The following TENM4 variants were observed in gnomAD, a reference collection of about 807,000 sequenced individuals.
TENM4 encodes the protein teneurin-4.
TENM4 carries 82 observed loss-of-function variants against 243.3 expected under a neutral mutation model. The observed-to-expected ratio is 0.34, with a 90% confidence interval of 0.28 to 0.40. The LOEUF (loss-of-function observed/expected upper bound fraction) is 0.40. Among genes scored for constraint, TENM4 ranks in the 10% least tolerant of loss-of-function variants. The pLI is 1.00. For synonymous variants in TENM4, 1,412 were observed against 1,456.3 expected (o/e 0.97, Z 0.69); for missense variants, 3,138 against 3,673.3 (o/e 0.85, Z 3.77).
intron 1 of TENM4, among the ~76,000 whole-genome samples, chr11:79,396,208 C>T (rs1371734670): frequency 6.6e-6 from 1 of 152,216 alleles, no homozygotes; most frequent in African/African-American, 2.4e-5. Context: ...ATTCCAACCA[C>T]TCCAACTGTA....
In TENM4 at chr11:79,324,591, T is replaced by C. The variant is rs540486936; in HGVS notation, c.-320-27048A>G. Among the ~76,000 whole-genome samples, 5 of 152,226 alleles carry C rather than the reference T, an allele frequency of 3.3e-5. No homozygotes were observed. The South Asian group carries it at 1.0e-3, about 32-fold the overall frequency. On this transcript the variant is annotated intron_variant, in intron 1 of 33. Transcript: ENST00000278550. Reference sequence around the variant, plus strand: ...GGAACCCATGGATGCATGGAATCCATGGATACAGATGGCCAACTGTATGGA... The same window carrying C: ...GGAACCCATGGATGCATGGAATCCACGGATACAGATGGCCAACTGTATGGA...
chr11:79,157,398 T>C (rs1298531215), intron 3 of TENM4, among the ~76,000 whole-genome samples: 2 of 152,198 alleles, frequency 1.3e-5, no homozygotes, highest in Non-Finnish European at 2.9e-5. Flanking sequence ...TTCTCTTCTG[T>C]TGCTTTCTCT....
intron 6 of TENM4, among the ~76,000 whole-genome samples, chr11:79,052,774 T>C (rs567138076): frequency 1.3e-5 from 2 of 152,308 alleles, no homozygotes; most frequent in East Asian, 1.9e-4. Context: ...AGTCGGTCCA[T>C]TGAATTCTGC....
At position 78,805,335 on chromosome 11, in the gene TENM4, A is replaced by T; in HGVS notation, c.2136T>A (p.Leu712=). The T allele has an allele frequency of 9.5e-7, 1 of 1,049,388 alleles. No individual in the cohort carries two copies. The highest frequency in any genetic ancestry group is 1.2e-6 in the Non-Finnish European group (1 of 859,522). The allele number at this position is 1,049,388 out of a possible 1,614,324, so 65.0% of individuals were successfully genotyped here. A position where few individuals can be genotyped will look rare whatever the true frequency, so the allele number is the denominator to read the frequency against. The change falls in exon 15 of 34, where the codon CTT becomes CTA. Residue 712 remains leucine, a synonymous_variant. Coordinates refer to ENST00000278550, the MANE Select transcript of TENM4 (RefSeq NM_001098816.3). ...CAGTCCAGCTTGGGTCACAGCTGCA[A>T]AGCCCGGTGTCCGGGAGGAAGGTTC... is the stretch of plus-strand genomic sequence containing the variant. ...GHGTFLPDTG[L]CSCDPSWTGH...
At chr11:78,708,336 G>A (rs745444343) in intron 27 of TENM4, 25 bp downstream of exon 27, 132 of 1,613,340 alleles carry the variant, frequency 8.2e-5, no homozygotes, top group Non-Finnish European at 1.1e-4. Context: ...CAGTCCCAGG[G>A]CTTTGGTAGA....
Position 78,856,115 on chromosome 11 carries a change from C to T in TENM4, c.1319G>A (p.Arg440Lys), listed in dbSNP as rs1316702173. The change falls in exon 11 of 34, where the codon AGG (arginine) becomes AAG (lysine). Residue 440 changes from arginine to lysine, a missense_variant. Coordinates refer to ENST00000278550, the MANE Select transcript of TENM4 (RefSeq NM_001098816.3). ...AGGAGGAATCTTCTGGGAAGCTCGC[C>T]TTCCCACATCAATTTCTCCAGAATC... is the stretch of plus-strand genomic sequence containing the variant. ...FIDSGEIDVG[R>K]RASQKIPPGT... 46 of 1,551,558 alleles carry T rather than the reference C, an allele frequency of 3.0e-5. No individual in the cohort carries two copies. The highest frequency in any genetic ancestry group is 3.8e-5 in the Non-Finnish European group (44 of 1,146,992).
intron 1 of TENM4, among the ~76,000 whole-genome samples, chr11:79,347,762 C>CTTTTTT (rs528675032): frequency 1.1e-5 from 1 of 94,726 alleles, no homozygotes; most frequent in Non-Finnish European, 2.0e-5. Flanking sequence ...CTATCCTCTC[C>CTTTTTT]TTTTTTTTTT....
intron 6 of TENM4, among the ~76,000 whole-genome samples, chr11:78,995,003 TAA>T (rs1432895948): frequency 6.6e-6 from 1 of 152,102 alleles, no homozygotes; most frequent in Non-Finnish European, 1.5e-5. Context: ...AAGAGATAAA[TAA>T]AGAGTTTCAA....
intron 6 of TENM4, among the ~76,000 whole-genome samples, chr11:78,950,981 T>C (rs1857097290): frequency 6.6e-6 from 1 of 152,196 alleles, no homozygotes; most frequent in South Asian, 2.1e-4. Flanking sequence ...TGTCCAAAGG[T>C]GTGATCAGGC....
intron 1 of TENM4, among the ~76,000 whole-genome samples, chr11:79,311,487 T>G (rs1856720769): frequency 6.6e-6 from 1 of 152,228 alleles, no homozygotes; most frequent in Non-Finnish European, 1.5e-5. Context: ...GCTACTTGTT[T>G]CCTCAGGCTT....
intron 6 of TENM4, among the ~76,000 whole-genome samples, chr11:78,997,532 G>A (rs1165510349): frequency 1.3e-5 from 2 of 152,216 alleles, no homozygotes; most frequent in East Asian, 3.8e-4. Context: ...AAAGCACAGT[G>A]CCTCTCAGTA....
At chr11:79,082,596 C>T (rs1390162872) in intron 4 of TENM4, among the ~76,000 whole-genome samples, 2 of 151,750 alleles carry the variant, frequency 1.3e-5, no homozygotes, top group African/African-American at 4.8e-5. Flanking sequence ...CCCATGTGTG[C>T]ACACACACAC....
At chr11:78,729,750 G>A in intron 21 of TENM4, 107 bp from the exon 22 acceptor site, 1 of 1,412,674 alleles carries the variant, frequency 7.1e-7, no homozygotes, top group Non-Finnish European at 9.5e-7. Flanking sequence ...TAGAGGGAAA[G>A]GCAGAAGGAG....
chr11:79,276,078 C>A (rs371255954), intron 2 of TENM4, among the ~76,000 whole-genome samples: 29 of 152,114 alleles, frequency 1.9e-4, no homozygotes, highest in South Asian at 8.3e-4. Flanking sequence ...ATCTCACCCA[C>A]CCTCCTCATT....
chr11:79,405,859 A>C (rs1047887000), intron 1 of TENM4, among the ~76,000 whole-genome samples: 1 of 151,524 alleles, frequency 6.6e-6, no homozygotes, highest in South Asian at 2.1e-4. Context: ...AAAAAAAAAA[A>C]AAAAAAAAAA....
chr11:78,666,902 T>G (rs370779359), intron 32 of TENM4, among the ~76,000 whole-genome samples: 9 of 152,288 alleles, frequency 5.9e-5, no homozygotes, highest in South Asian at 2.1e-4. Flanking sequence ...TATGGTGGTG[T>G]ACAAAGGAAA....
At chr11:78,932,917 A>C (rs917135495) in intron 6 of TENM4, among the ~76,000 whole-genome samples, 1 of 152,136 alleles carries the variant, frequency 6.6e-6, no homozygotes, top group Non-Finnish European at 1.5e-5. Context: ...CCTGGTTCCT[A>C]ACAGGCCACG....
intron 4 of TENM4, among the ~76,000 whole-genome samples, chr11:79,143,161 C>T (rs539177350): frequency 3.2e-3 from 481 of 152,126 alleles, no homozygotes; most frequent in African/African-American, 0.011. Flanking sequence ...TTTGACCCAG[C>T]GATCCCATTA....
At chr11:79,032,006 T>TAGG (rs1244788232) in intron 6 of TENM4, among the ~76,000 whole-genome samples, 2 of 152,222 alleles carry the variant, frequency 1.3e-5, no homozygotes, top group African/African-American at 4.8e-5. Context: ...AGCCCTTTTC[T>TAGG]GTAGCCTATG....
Sources: allele counts gnomAD v4.1 joint callset (sites outside exome capture counted in the v4.1 genomes callset), GRCh38; gene constraint gnomAD v4.1.1; transcripts MANE v1.5; gene names NCBI Gene and HGNC (gene_info 2026-07-23, HGNC 2026-07-21).